The following PVT1 variants were observed in gnomAD, a reference collection of about 807,000 sequenced individuals.
The protein encoded by PVT1 is Pvt1 oncogene.
intron 3 of PVT1, among the ~76,000 whole-genome samples, chr8:127,909,905 A>T (rs568945961): frequency 1.0e-3 from 155 of 151,952 alleles, no homozygotes; most frequent in African/African-American, 3.7e-3. Flanking sequence ...AAGCAGGCAC[A>T]TGATGCTCCT....
exon 6 of PVT1, chr8:128,096,624 A>T (rs934442463): frequency 6.6e-6 from 1 of 152,254 alleles, no homozygotes; most frequent in African/African-American, 2.4e-5. Context: ...CTTGAGACTC[A>T]GGATGAAGAC....
chr8:127,997,977 G>A (rs1419578729), intron 4 of PVT1, among the ~76,000 whole-genome samples: 3 of 152,178 alleles, frequency 2.0e-5, no homozygotes, highest in African/African-American at 7.2e-5. Context: ...ACCTCTGTGA[G>A]GGTTGTCTGA....
chr8:127,990,799 G>A (rs1286668314), intron 4 of PVT1, among the ~76,000 whole-genome samples: 3 of 152,228 alleles, frequency 2.0e-5, no homozygotes, highest in Admixed American at 1.3e-4. Flanking sequence ...TTGCCCTTCA[G>A]TCAAGGTGGG....
At chr8:127,979,674 G>T (rs1816861391) in intron 3 of PVT1, among the ~76,000 whole-genome samples, 1 of 152,162 alleles carries the variant, frequency 6.6e-6, no homozygotes, top group South Asian at 2.1e-4. Flanking sequence ...CTTCAGAATT[G>T]TCCTGAATTG....
At chr8:128,074,061 T>C (rs1349818418) in intron 5 of PVT1, among the ~76,000 whole-genome samples, 1 of 152,172 alleles carries the variant, frequency 6.6e-6, no homozygotes, top group African/African-American at 2.4e-5. Context: ...CTTGGCTGCT[T>C]CTTTTCAGAA....
intron 3 of PVT1, among the ~76,000 whole-genome samples, chr8:127,950,643 A>G (rs1301872532): frequency 1.3e-5 from 2 of 152,280 alleles, no homozygotes; most frequent in Non-Finnish European, 2.9e-5. Flanking sequence ...TAGGAGACAG[A>G]TGTGTCACCA....
At chr8:127,809,296 A>G (rs1216994000) in intron 2 of PVT1, among the ~76,000 whole-genome samples, 2 of 152,062 alleles carry the variant, frequency 1.3e-5, no homozygotes, top group South Asian at 2.1e-4. Context: ...TGCTCAAGCA[A>G]TCCTCCCACC....
intron 3 of PVT1, among the ~76,000 whole-genome samples, chr8:127,962,952 G>C (rs1490068512): frequency 6.6e-6 from 1 of 152,200 alleles, no homozygotes; most frequent in African/African-American, 2.4e-5. Flanking sequence ...TTTACTTGCA[G>C]ATGGGCAGTA....
intron 2 of PVT1, among the ~76,000 whole-genome samples, chr8:127,879,768 A>G (rs1224878693): frequency 3.9e-5 from 6 of 152,164 alleles, no homozygotes; most frequent in Non-Finnish European, 8.8e-5. Flanking sequence ...TGGTAATTAC[A>G]TGCTCTTCTG....
At chr8:127,795,296 T>C (rs1241944523) in intron 1 of PVT1, among the ~76,000 whole-genome samples, 1 of 152,242 alleles carries the variant, frequency 6.6e-6, no homozygotes, top group Non-Finnish European at 1.5e-5. Flanking sequence ...TTTAATTAGG[T>C]TTGCCTTCTC....
chr8:127,872,528 T>G (rs182467265), intron 2 of PVT1, among the ~76,000 whole-genome samples: 1 of 152,368 alleles, frequency 6.6e-6, no homozygotes, highest in East Asian at 1.9e-4. Context: ...ATGCATTGTG[T>G]GCCTCTATCA....
chr8:128,035,363 T>C (rs1813449232), intron 4 of PVT1, among the ~76,000 whole-genome samples: 1 of 152,142 alleles, frequency 6.6e-6, no homozygotes, highest in Non-Finnish European at 1.5e-5. Flanking sequence ...TTTCTAAGGG[T>C]TCCCAGTACA....
intron 3 of PVT1, among the ~76,000 whole-genome samples, chr8:127,946,028 G>A (rs1477334004): frequency 6.6e-6 from 1 of 152,212 alleles, no homozygotes; most frequent in Non-Finnish European, 1.5e-5. Context: ...TGTGTACGAA[G>A]GGGTTTAGAG....
At chr8:128,069,893 TG>T (rs1287849332) in intron 4 of PVT1, among the ~76,000 whole-genome samples, 1 of 152,156 alleles carries the variant, frequency 6.6e-6, no homozygotes, top group African/African-American at 2.4e-5. Flanking sequence ...TCATCATCAT[TG>T]ATCTCTACCA....
At chr8:128,087,938 T>C (rs968708258) in intron 5 of PVT1, among the ~76,000 whole-genome samples, 3 of 151,932 alleles carry the variant, frequency 2.0e-5, no homozygotes, top group African/African-American at 7.3e-5. Flanking sequence ...TTTGTGTTTT[T>C]AGCAGAGATG....
chr8:127,950,680 G>T (rs1282769438), intron 3 of PVT1, among the ~76,000 whole-genome samples: 1 of 152,210 alleles, frequency 6.6e-6, no homozygotes, highest in Non-Finnish European at 1.5e-5. Context: ...TGGGAGGACT[G>T]ACTTTCACCC....
rs187407931 is a variant in PVT1, at chr8:128,084,760, A to G, written n.1115-11758A>G. Among the ~76,000 whole-genome samples, 4 of 152,350 alleles carry G rather than the reference A, an allele frequency of 2.6e-5. No homozygotes were observed. The East Asian group carries it at 7.7e-4, about 29-fold the overall frequency. On this transcript the variant is annotated intron_variant and non_coding_transcript_variant, in intron 5 of 10. Coordinates refer to ENST00000651587, the Ensembl canonical transcript of PVT1. Reference sequence around the variant, plus strand: ...AACCACTTCCCAGAAAGCTCTAGATATGTTCTGAATAATGGGAGCAATGCT... The same window carrying G: ...AACCACTTCCCAGAAAGCTCTAGATGTGTTCTGAATAATGGGAGCAATGCT...
intron 4 of PVT1, among the ~76,000 whole-genome samples, chr8:128,013,690 T>C (rs551640930): frequency 2.6e-5 from 4 of 152,316 alleles, no homozygotes; most frequent in Non-Finnish European, 4.4e-5. Context: ...GGGGAGACTC[T>C]CCTGACAGAG....
intron 4 of PVT1, among the ~76,000 whole-genome samples, chr8:128,041,458 A>T (rs111162835): frequency 0.029 from 4,096 of 142,062 alleles, 183 homozygotes; most frequent in African/African-American, 0.1. Context: ...TTTGGCGTGT[A>T]TATGTGTTTG....
Sources: allele counts gnomAD v4.1 joint callset (sites outside exome capture counted in the v4.1 genomes callset), GRCh38; gene constraint gnomAD v4.1.1; transcripts MANE v1.5; gene names NCBI Gene and HGNC (gene_info 2026-07-23, HGNC 2026-07-21).